The following TTC39B variants were observed in gnomAD, a reference collection of about 807,000 sequenced individuals.
TTC39B encodes tetratricopeptide repeat protein 39B.
In TTC39B, 92 loss-of-function variants were observed where a neutral mutation model predicts 96.6. The observed-to-expected ratio is 0.95, with a 90% CI of 0.80 to 1.13. TTC39B has a LOEUF of 1.13. Among genes scored for constraint, TTC39B ranks in the 50% most tolerant of loss-of-function variants. TTC39B has a pLI of 0.00. For missense variants in TTC39B, 955 were observed against 809.3 expected, an observed-to-expected ratio of 1.18 and a Z score of -2.18; for synonymous variants, 367 against 299.4, an observed-to-expected ratio of 1.23 and a Z score of -2.33.
chr9:15,211,625 T>G (rs1433849282), intron 4 of TTC39B, among the ~76,000 whole-genome samples: 1 of 152,148 alleles, frequency 6.6e-6, no homozygotes, highest in African/African-American at 2.4e-5. Context: ...AAGGGGACAA[T>G]ATGCATTTCC....
intron 1 of TTC39B, among the ~76,000 whole-genome samples, chr9:15,299,053 C>T (rs974593207): frequency 2.6e-5 from 4 of 152,134 alleles, no homozygotes; most frequent in African/African-American, 7.2e-5. Context: ...TCACAAAGTA[C>T]CCTGGCATCC....
At chr9:15,185,088 A>G (rs1486495133) in intron 16 of TTC39B, among the ~76,000 whole-genome samples, 192 bp downstream of exon 16, 2 of 152,248 alleles carry the variant, frequency 1.3e-5, no homozygotes, top group Non-Finnish European at 2.9e-5. Flanking sequence ...TGCCTGGATC[A>G]TACTAACTAG....
chr9:15,218,033 C>T (rs185905855), intron 3 of TTC39B, among the ~76,000 whole-genome samples: 7 of 151,984 alleles, frequency 4.6e-5, no homozygotes, highest in African/African-American at 1.7e-4. Context: ...CATGGTGAAA[C>T]CCCGTCTCTA....
chr9:15,302,054 G>A (rs924178226), intron 1 of TTC39B, among the ~76,000 whole-genome samples: 3 of 152,202 alleles, frequency 2.0e-5, no homozygotes, highest in Non-Finnish European at 2.9e-5. Context: ...TGGGCACGGT[G>A]GCTCACGCCT....
chr9:15,297,288 A>G (rs1358806180), intron 1 of TTC39B, among the ~76,000 whole-genome samples: 1 of 152,202 alleles, frequency 6.6e-6, no homozygotes, highest in Non-Finnish European at 1.5e-5. Context: ...TAGAAGACAC[A>G]TGTCAAAAAC....
rs192994016 is a variant in TTC39B at position 15,275,188 on chromosome 9, T to C, written c.241-7240A>G. 5.9e-5 allele frequency among the ~76,000 whole-genome samples: 9 copies of C among 152,244 alleles called. No homozygotes were observed. The East Asian group carries it at 1.7e-3, about 29-fold the overall frequency. On this transcript the variant is annotated intron_variant, in intron 1 of 19. Coordinates refer to ENST00000512701, the Ensembl canonical transcript of TTC39B. ...TCCCAAGTAGCTGAGATTACAGGCA[T>C]GCACCACTACACCCAGCTAATTTTG...
chr9:15,199,950 T>C (rs1819435531), intron 7 of TTC39B, 25 bp from the exon 8 acceptor site: 2 of 1,407,134 alleles, frequency 1.4e-6, no homozygotes, highest in Non-Finnish European at 9.8e-7. Context: ...GTTAAAAAAT[T>C]AGATTATTTA....
chr9:15,230,860 C>A (rs1457978575), intron 2 of TTC39B, among the ~76,000 whole-genome samples: 1 of 152,056 alleles, frequency 6.6e-6, no homozygotes, highest in African/African-American at 2.4e-5. Flanking sequence ...TGGTGCACAC[C>A]CGTAATTCCA....
In TTC39B at chr9:15,214,132, A is replaced by G. The variant is rs1378675074; in HGVS notation, c.482+7T>C. 1.2e-6 allele frequency: 2 copies of G among 1,600,484 alleles called. No homozygotes were observed. The highest frequency in any genetic ancestry group is 8.6e-7 in the Non-Finnish European group (1 of 1,168,730). On this transcript the variant is annotated splice_region_variant and intron_variant, in intron 4 of 19. Coordinates refer to ENST00000512701, the Ensembl canonical transcript of TTC39B. The stretch of plus-strand genomic sequence containing the variant: ...ATATTTTATCTAAAAGAGACAAAGT[A>G]AATTACCAGGGGCGAAGCAATTCTA...
chr9:15,218,632 T>TAAAAAAAAAAAAAAAAAAAATATA (rs545882970), intron 3 of TTC39B, among the ~76,000 whole-genome samples: 1 of 105,110 alleles, frequency 9.5e-6, no homozygotes, highest in African/African-American at 3.6e-5. Flanking sequence ...TTAGTCTATT[T>TAAAAAAAAAAAAAAAAAAAATATA]TAAATATATA....
chr9:15,279,091 A>T (rs1823655019), intron 1 of TTC39B, among the ~76,000 whole-genome samples: 1 of 152,256 alleles, frequency 6.6e-6, no homozygotes, highest in African/African-American at 2.4e-5. Context: ...CCAATATTAT[A>T]TATTTAATGC....
intron 13 of TTC39B, 84 bp downstream of exon 13, chr9:15,189,490 T>C: frequency 1.4e-6 from 2 of 1,453,872 alleles, no homozygotes; most frequent in Non-Finnish European, 1.9e-6. Context: ...AAGTTTACTT[T>C]TGTTGAATAA....
At chr9:15,246,901 T>C (rs922267246) in intron 2 of TTC39B, among the ~76,000 whole-genome samples, 1 of 152,274 alleles carries the variant, frequency 6.6e-6, no homozygotes, top group African/African-American at 2.4e-5. Flanking sequence ...AAATAAATGA[T>C]TGTTATTGTT....
exon 20 of TTC39B, chr9:15,167,844 T>G (rs1817556997): frequency 6.6e-6 from 1 of 152,196 alleles, no homozygotes; most frequent in Non-Finnish European, 1.5e-5. Context: ...TAAAAAAGAA[T>G]GTCTGTAAAA....
At chr9:15,223,989 A>T (rs1820987762) in intron 3 of TTC39B, among the ~76,000 whole-genome samples, 1 of 151,742 alleles carries the variant, frequency 6.6e-6, no homozygotes, top group Non-Finnish European at 1.5e-5. Context: ...CCTCTCTTTG[A>T]CTCCTTCCCG....
chr9:15,236,369 T>C (rs985774762), intron 2 of TTC39B, among the ~76,000 whole-genome samples: 5 of 152,346 alleles, frequency 3.3e-5, no homozygotes, highest in South Asian at 4.1e-4. Flanking sequence ...AATACAATTA[T>C]AGTGAGGGAC....
chr9:15,211,322 T>C, exon 5 of TTC39B: 1 of 1,594,992 alleles, frequency 6.3e-7, no homozygotes. Context: ...GGATGTCCTG[T>C]TGCTCGAAGG....
At chr9:15,185,874 A>G (rs1818497948) in intron 15 of TTC39B, among the ~76,000 whole-genome samples, 1 of 152,214 alleles carries the variant, frequency 6.6e-6, no homozygotes, top group African/African-American at 2.4e-5. Context: ...GATCTATAAA[A>G]TAATATGGCT....
intron 8 of TTC39B, 99 bp downstream of exon 8, chr9:15,199,762 A>AAAAAAAAAAAAC (rs1352922500): frequency 2.5e-6 from 1 of 394,512 alleles, no homozygotes; most frequent in Non-Finnish European, 4.7e-6. Flanking sequence ...AAAAAAAAAA[A>AAAAAAAAAAAAC]AAAAAATCCT....
Sources: gnomAD v4.1 joint callset for allele counts (sites outside exome capture counted in the v4.1 genomes callset) on GRCh38, gnomAD v4.1.1 for gene constraint, MANE v1.5 for transcripts, NCBI Gene and HGNC (gene_info 2026-07-23, HGNC 2026-07-21) for gene names.